Variants in ZBTB20 observed in about 807,000 individuals in gnomAD.
ZBTB20 encodes zinc finger and BTB domain-containing protein 20.
Under a neutral mutation model 56.9 loss-of-function variants are expected in ZBTB20, and 9 were observed. The ratio of observed to expected loss-of-function variants is 0.16; its 90% CI spans 0.10 to 0.28. The LOEUF (loss-of-function observed/expected upper bound fraction) is 0.28, where lower values mean the gene tolerates loss of function less well. Ranked by LOEUF, ZBTB20 falls within the 10% of genes least tolerant of loss-of-function variation. ZBTB20 has a pLI of 1.00. For synonymous variants in ZBTB20, 417 were observed against 420.7 expected (o/e 0.99, Z 0.11); for missense variants, 655 against 1,003.0 (o/e 0.65, Z 4.69).
At position 114,776,857 on chromosome 3, in the gene ZBTB20, C is replaced by T. The variant is rs190329757; in HGVS notation, c.-343+24244G>A. On this transcript the variant is annotated intron_variant, in intron 5 of 11. Transcript: ENST00000675478. ...ACTAAAACAGGGCAAAGAGAGTGCA[C>T]AAGGGCATTCAACAGAAGATTAAAC... 2.0e-5 allele frequency among the ~76,000 whole-genome samples: 3 copies of T among 152,220 alleles called. 1 individual carries two copies. Among genetic ancestry groups the T allele is most frequent in the Admixed American group, 2.0e-4 (3 of 15,282 alleles).
intron 6 of ZBTB20, among the ~76,000 whole-genome samples, chr3:114,546,498 T>C (rs1349916509): frequency 6.6e-6 from 1 of 151,890 alleles, no homozygotes; most frequent in Non-Finnish European, 1.5e-5. Context: ...GGTTCTAGTC[T>C]GGACTAGTGG....
chr3:114,408,626 G>A (rs1244019118), intron 7 of ZBTB20, among the ~76,000 whole-genome samples: 3 of 151,226 alleles, frequency 2.0e-5, no homozygotes, highest in African/African-American at 7.3e-5. Context: ...TTGCACTTTC[G>A]CAGTCTGGTT....
At chr3:114,580,621 A>G (rs2054548737) in intron 6 of ZBTB20, among the ~76,000 whole-genome samples, 1 of 151,850 alleles carries the variant, frequency 6.6e-6, no homozygotes, top group South Asian at 2.1e-4. Context: ...AGTTATTCAA[A>G]GTAGTAAGAG....
At chr3:114,453,929 C>A (rs958287178) in intron 7 of ZBTB20, among the ~76,000 whole-genome samples, 2 of 120,642 alleles carry the variant, frequency 1.7e-5, no homozygotes, top group African/African-American at 3.0e-5. Flanking sequence ...ACTCCCCCCC[C>A]CCCCACCCTT....
At chr3:114,860,113 C>G (rs1374322814) in intron 4 of ZBTB20, among the ~76,000 whole-genome samples, 2 of 152,232 alleles carry the variant, frequency 1.3e-5, no homozygotes, top group South Asian at 4.2e-4. Flanking sequence ...TCAAGACCAT[C>G]CTGGCCAACA....
At chr3:114,769,930 G>C (rs2069079613) in intron 5 of ZBTB20, among the ~76,000 whole-genome samples, 1 of 151,540 alleles carries the variant, frequency 6.6e-6, no homozygotes, top group African/African-American at 2.4e-5. Flanking sequence ...ATGGTGGTGT[G>C]CACCCGTAAT....
At chr3:115,017,447 C>A (rs2080017331) in intron 2 of ZBTB20, among the ~76,000 whole-genome samples, 1 of 151,632 alleles carries the variant, frequency 6.6e-6, no homozygotes, top group South Asian at 2.1e-4. Flanking sequence ...ACAAAAATGA[C>A]CATAGTGCCC....
At chr3:114,453,271 A>G (rs1332793142) in intron 7 of ZBTB20, among the ~76,000 whole-genome samples, 1 of 152,206 alleles carries the variant, frequency 6.6e-6, no homozygotes, top group Non-Finnish European at 1.5e-5. Flanking sequence ...TTTTGCATGA[A>G]CTAGTGTATC....
At chr3:115,106,912 A>G (rs2083740087) in intron 1 of ZBTB20, among the ~76,000 whole-genome samples, 1 of 152,202 alleles carries the variant, frequency 6.6e-6, no homozygotes, top group Non-Finnish European at 1.5e-5. Context: ...TCCTGAAAGA[A>G]TGAATGACTA....
intron 1 of ZBTB20, among the ~76,000 whole-genome samples, chr3:115,098,003 A>ACAT: frequency 6.6e-6 from 1 of 152,228 alleles, no homozygotes; most frequent in East Asian, 1.9e-4. Flanking sequence ...ATTAAACCAA[A>ACAT]CATAAAAATG....
At chr3:114,524,533 G>A (rs2046992687) in intron 6 of ZBTB20, among the ~76,000 whole-genome samples, 1 of 152,074 alleles carries the variant, frequency 6.6e-6, no homozygotes, top group Non-Finnish European at 1.5e-5. Context: ...CTGCATCAAG[G>A]GGGAGTTATG....
At chr3:114,623,721 C>T (rs778165512) in intron 6 of ZBTB20, among the ~76,000 whole-genome samples, 3 of 152,196 alleles carry the variant, frequency 2.0e-5, no homozygotes, top group Admixed American at 6.5e-5. Flanking sequence ...GCATGGAAAG[C>T]TGGTGGAGTG....
At chr3:115,014,356 A>AACAACTATCT (rs2079854314) in intron 2 of ZBTB20, among the ~76,000 whole-genome samples, 1 of 151,670 alleles carries the variant, frequency 6.6e-6, no homozygotes, top group Non-Finnish European at 1.5e-5. Flanking sequence ...TGCTAGCACA[A>AACAACTATCT]TGGAATGGCT....
intron 6 of ZBTB20, among the ~76,000 whole-genome samples, chr3:114,547,005 G>C (rs2049972446): frequency 6.6e-6 from 1 of 152,190 alleles, no homozygotes; most frequent in Admixed American, 6.5e-5. Context: ...AGAGTAGGGG[G>C]TAACTACAGG....
intron 1 of ZBTB20, among the ~76,000 whole-genome samples, chr3:115,071,788 G>T (rs2082418381): frequency 6.6e-6 from 1 of 152,166 alleles, no homozygotes; most frequent in Non-Finnish European, 1.5e-5. Context: ...GACTGTTCTT[G>T]TGCATCCAGG....
intron 7 of ZBTB20, among the ~76,000 whole-genome samples, chr3:114,424,146 A>ACATAATGTGTC (rs1235042757): frequency 6.6e-6 from 1 of 152,238 alleles, no homozygotes; most frequent in African/African-American, 2.4e-5. Flanking sequence ...GTCACATAAC[A>ACATAATGTGTC]ACCTTAATTC....
intron 5 of ZBTB20, among the ~76,000 whole-genome samples, chr3:114,767,286 T>A (rs2068852697): frequency 6.6e-6 from 1 of 152,068 alleles, no homozygotes; most frequent in Non-Finnish European, 1.5e-5. Context: ...TTTCTATGGA[T>A]TTTCTATTAC....
chr3:114,455,354 C>T (rs1260263820), intron 7 of ZBTB20, among the ~76,000 whole-genome samples: 1 of 152,086 alleles, frequency 6.6e-6, no homozygotes, highest in African/African-American at 2.4e-5. Context: ...CTCGTACTGA[C>T]AAATCCTCAA....
In ZBTB20 at chr3:114,557,091, G is replaced by A. The variant is rs1212784466; in HGVS notation, c.-294-56700C>T. Among the ~76,000 whole-genome samples the A allele has an allele frequency of 4.6e-5, 7 of 152,168 alleles. No homozygotes were observed. In the East Asian group the frequency reaches 1.4e-3, roughly 29 times the overall value. ...TAGACACTTTTATTACCTGAAAGAT[G>A]TAGACAAATTAGGGAAGATTAACAA... On this transcript the variant is annotated intron_variant, in intron 6 of 11. Transcript: ENST00000675478.
Sources: gnomAD v4.1 joint callset for allele counts (sites outside exome capture counted in the v4.1 genomes callset) on GRCh38, gnomAD v4.1.1 for gene constraint, MANE v1.5 for transcripts, NCBI Gene and HGNC (gene_info 2026-07-23, HGNC 2026-07-21) for gene names.